TLN2: variants seen among roughly 807,000 people sequenced by gnomAD.
TLN2 encodes the protein talin 2.
A neutral mutation model predicts 294.7 loss-of-function variants in TLN2; 118 were observed. That is an observed-to-expected ratio of 0.40 (90% CI 0.34 to 0.47). TLN2 has a LOEUF of 0.47. Among genes scored for constraint, TLN2 ranks in the 20% least tolerant of loss-of-function variants. TLN2 has a pLI of 0.84. For synonymous variants in TLN2, 1,431 were observed against 1,304.5 expected, an observed-to-expected ratio of 1.10 and a Z score of -2.09; for missense variants, 3,083 against 3,282.2, an observed-to-expected ratio of 0.94 and a Z score of 1.48.
intron 2 of TLN2, among the ~76,000 whole-genome samples, chr15:62,605,445 C>T (rs988423656): frequency 1.3e-5 from 2 of 152,110 alleles, no homozygotes; most frequent in Admixed American, 6.5e-5. Context: ...AAGCTGGAGT[C>T]GATTTAATCC....
chr15:62,458,521 G>C (rs1001713586), intron 1 of TLN2, among the ~76,000 whole-genome samples: 2 of 150,342 alleles, frequency 1.3e-5, no homozygotes, highest in African/African-American at 4.9e-5. Flanking sequence ...AGGAGGGAGA[G>C]AGATTCCTCT....
At position 62,514,907 on chromosome 15, in the gene TLN2, T is replaced by TA. The variant is rs199959578; in HGVS notation, c.-237-74773dup. ...GAGAGTAAATATGCAAAATGCCATT[T>TA]AAAAAAATATAACTCACTTACACCA... On this transcript the variant is annotated intron_variant, in intron 1 of 58. Coordinates refer to ENST00000636159, the MANE Select transcript of TLN2 (RefSeq NM_015059.3). 3.6e-3 allele frequency among the ~76,000 whole-genome samples: 555 copies of TA among 152,300 alleles called. 3 individuals are homozygous for TA. Among genetic ancestry groups the TA allele is most frequent in the African/African-American group, 0.012 (512 of 41,568 alleles).
At chr15:62,815,878 T>C (rs550593893) in intron 52 of TLN2, among the ~76,000 whole-genome samples, 5 of 152,376 alleles carry the variant, frequency 3.3e-5, no homozygotes, top group Non-Finnish European at 7.3e-5. Flanking sequence ...TTCCCACTCC[T>C]ATTCTCTCTT....
intron 45 of TLN2, among the ~76,000 whole-genome samples, chr15:62,786,677 T>G (rs368527664): frequency 0.14 from 21,803 of 152,156 alleles, 1,596 homozygotes; most frequent in East Asian, 0.19. Flanking sequence ...TAAGATGATT[T>G]GTGAGAACCA....
chr15:62,430,195 AG>A (rs1282870732), intron 1 of TLN2, among the ~76,000 whole-genome samples: 5 of 152,200 alleles, frequency 3.3e-5, no homozygotes, highest in Admixed American at 3.3e-4. Context: ...GGTGTTTCAG[AG>A]GTGGAAAATT....
chr15:62,455,829 C>T (rs1477766358), intron 1 of TLN2, among the ~76,000 whole-genome samples: 5 of 152,216 alleles, frequency 3.3e-5, no homozygotes, highest in Admixed American at 1.3e-4. Flanking sequence ...CATTCCCCAG[C>T]GTCCTGTCCT....
At chr15:62,570,225 G>A (rs1019422422) in intron 1 of TLN2, among the ~76,000 whole-genome samples, 1 of 152,134 alleles carries the variant, frequency 6.6e-6, no homozygotes, top group Non-Finnish European at 1.5e-5. Flanking sequence ...ACATTCCCCC[G>A]CCTCACCCAC....
chr15:62,779,941 G>T (rs369101602), intron 43 of TLN2, among the ~76,000 whole-genome samples: 1 of 152,144 alleles, frequency 6.6e-6, no homozygotes, highest in African/African-American at 2.4e-5. Flanking sequence ...ACATATAGCT[G>T]TCACTGAAGA....
chr15:62,397,413 A>G (rs1336442489), intron 1 of TLN2, among the ~76,000 whole-genome samples: 2 of 152,086 alleles, frequency 1.3e-5, no homozygotes, highest in Admixed American at 6.5e-5. Flanking sequence ...ACTTGCCACC[A>G]TACCTGGCTA....
chr15:62,754,045 A>G (rs2062085442), intron 36 of TLN2, 129 bp downstream of exon 36: 10 of 1,239,160 alleles, frequency 8.1e-6, no homozygotes. Flanking sequence ...AAATGCCAGC[A>G]TTGTAGATAA....
intron 28 of TLN2, among the ~76,000 whole-genome samples, chr15:62,735,649 G>A (rs1376439760): frequency 6.6e-6 from 1 of 152,172 alleles, no homozygotes; most frequent in African/African-American, 2.4e-5. Context: ...TAATGGTAAA[G>A]TCATTTTGGA....
chr15:62,724,482 A>C (rs969880395), intron 26 of TLN2, among the ~76,000 whole-genome samples: 3 of 152,226 alleles, frequency 2.0e-5, no homozygotes, highest in African/African-American at 7.2e-5. Flanking sequence ...TACTAAGGGA[A>C]AAATATTTTG....
rs537691520 is a variant in TLN2, at chr15:62,534,029, CACCAGGGGTT to C, written c.-237-55655_-237-55646del. ...TCCAAATGTTAGTGTGAATATCAGT[CACCAGGGGTT>C]ACAATGTGGATTCTGATTCAGCAGA... On this transcript the variant is annotated intron_variant, in intron 1 of 58. Coordinates refer to ENST00000636159, the MANE Select transcript of TLN2 (RefSeq NM_015059.3). 3.1e-3 allele frequency among the ~76,000 whole-genome samples: 471 copies of C among 152,248 alleles called. 1 individual carries two copies. Among genetic ancestry groups the C allele is most frequent in the Non-Finnish European group, 5.1e-3 (344 of 68,026 alleles).
At chr15:62,450,025 C>T (rs1410394691) in intron 1 of TLN2, among the ~76,000 whole-genome samples, 1 of 152,198 alleles carries the variant, frequency 6.6e-6, no homozygotes, top group African/African-American at 2.4e-5. Context: ...CACAAACCTT[C>T]AGTAGCTCTC....
At chr15:62,663,412 A>C (rs1596556034) in intron 9 of TLN2, among the ~76,000 whole-genome samples, 1 of 150,834 alleles carries the variant, frequency 6.6e-6, no homozygotes, top group Non-Finnish European at 1.5e-5. Flanking sequence ...CTTCTTATCA[A>C]CATGATACTA....
intron 2 of TLN2, among the ~76,000 whole-genome samples, chr15:62,609,861 G>A (rs2047769036): frequency 1.3e-5 from 2 of 152,110 alleles, no homozygotes. Context: ...TTATACCAGT[G>A]TGGACTCATG....
chr15:62,719,689 C>T (rs2060004649), intron 24 of TLN2, 78 bp from the exon 25 acceptor site: 2 of 1,212,502 alleles, frequency 1.6e-6, no homozygotes, highest in South Asian at 1.6e-5. Flanking sequence ...CCAAAAAGCG[C>T]ACTTGGGTCA....
At chr15:62,793,201 G>A (rs1437176918) in intron 46 of TLN2, among the ~76,000 whole-genome samples, 2 of 152,218 alleles carry the variant, frequency 1.3e-5, no homozygotes, top group Non-Finnish European at 2.9e-5. Context: ...TGAGTCAGGA[G>A]GAGTGAAAAT....
chr15:62,456,719 A>G (rs957314707), intron 1 of TLN2, among the ~76,000 whole-genome samples: 7 of 148,296 alleles, frequency 4.7e-5, no homozygotes, highest in African/African-American at 1.7e-4. Context: ...TCACATAGTT[A>G]GTATGTTTTC....
Sources: gnomAD v4.1 joint callset for allele counts (sites outside exome capture counted in the v4.1 genomes callset) on GRCh38, gnomAD v4.1.1 for gene constraint, MANE v1.5 for transcripts, NCBI Gene and HGNC (gene_info 2026-07-23, HGNC 2026-07-21) for gene names.